The following ESRRB variants were observed in gnomAD, a reference collection of about 807,000 sequenced individuals.
ESRRB encodes estrogen related receptor beta, also known as steroid hormone receptor ERR2.
ESRRB carries 16 observed loss-of-function variants against 46.0 expected under a neutral mutation model. The ratio of observed to expected loss-of-function variants is 0.35; its 90% CI spans 0.24 to 0.53. The LOEUF (loss-of-function observed/expected upper bound fraction) is 0.53, where lower values mean the gene tolerates loss of function less well. ESRRB is among the 20% of genes least tolerant of loss of function. The pLI is 0.93. For missense variants in ESRRB, 488 were observed against 607.4 expected, an observed-to-expected ratio of 0.80 and a Z score of 2.07; for synonymous variants, 246 against 259.6, an observed-to-expected ratio of 0.95 and a Z score of 0.50.
chr14:76,490,936 G>A (rs115932738), intron 5 of ESRRB, among the ~76,000 whole-genome samples: 165 of 152,228 alleles, frequency 1.1e-3, no homozygotes, highest in African/African-American at 3.3e-3. Context: ...CTGCGTCCTC[G>A]TTCTTGGTCA....
chr14:76,442,960 G>A (rs1482566437), intron 2 of ESRRB, among the ~76,000 whole-genome samples: 2 of 151,308 alleles, frequency 1.3e-5, no homozygotes, highest in East Asian at 3.9e-4. Context: ...GATTACAGGT[G>A]CTGGCCACAA....
At chr14:76,417,521 C>A (rs373519980) in intron 1 of ESRRB, among the ~76,000 whole-genome samples, 27 of 152,152 alleles carry the variant, frequency 1.8e-4, no homozygotes, top group African/African-American at 6.5e-4. Flanking sequence ...TAATCAACAT[C>A]AATGTTGTTT....
chr14:76,477,760 T>C (rs56138620), intron 3 of ESRRB, among the ~76,000 whole-genome samples: 15,504 of 152,188 alleles, frequency 0.1, 933 homozygotes, highest in East Asian at 0.19. Flanking sequence ...AACAGCGTAA[T>C]CTGATAATTG....
upstream of ESRRB, among the ~76,000 whole-genome samples, chr14:76,369,770 A>G (rs945531008): frequency 2.0e-5 from 3 of 152,238 alleles, no homozygotes; most frequent in Admixed American, 6.5e-5. Context: ...TGTCATTCAT[A>G]CTAGGGAGAC....
At chr14:76,464,373 C>G (rs1364368704) in intron 3 of ESRRB, among the ~76,000 whole-genome samples, 1 of 152,208 alleles carries the variant, frequency 6.6e-6, no homozygotes, top group Non-Finnish European at 1.5e-5. Context: ...TTTGTCAATA[C>G]AACTTGGACC....
upstream of ESRRB, among the ~76,000 whole-genome samples, chr14:76,372,013 G>A (rs953020026): frequency 6.6e-6 from 1 of 152,178 alleles, no homozygotes; most frequent in African/African-American, 2.4e-5. Flanking sequence ...TACCAAGACT[G>A]GATTCCATTA....
At chr14:76,420,890 T>G (rs1886928021) in intron 1 of ESRRB, among the ~76,000 whole-genome samples, 1 of 152,134 alleles carries the variant, frequency 6.6e-6, no homozygotes, top group Non-Finnish European at 1.5e-5. Flanking sequence ...GACATGGCCC[T>G]GCTGATTCCT....
intron 1 of ESRRB, among the ~76,000 whole-genome samples, chr14:76,426,721 C>T (rs1408086667): frequency 2.0e-5 from 3 of 152,040 alleles, no homozygotes; most frequent in African/African-American, 7.3e-5. Flanking sequence ...GTCAAGCATG[C>T]AGTAGATATT....
chr14:76,373,518 C>A (rs1884672770), upstream of ESRRB, among the ~76,000 whole-genome samples: 2 of 152,108 alleles, frequency 1.3e-5, no homozygotes, highest in Admixed American at 1.3e-4. Flanking sequence ...TGGCTGAGGG[C>A]AGAATGGGAA....
At chr14:76,452,951 G>A (rs930387181) in intron 2 of ESRRB, among the ~76,000 whole-genome samples, 19 of 152,252 alleles carry the variant, frequency 1.2e-4, no homozygotes, top group Non-Finnish European at 2.9e-5. Context: ...TCTAAGGAGA[G>A]CCTCTAAGAC....
chr14:76,423,831 G>A (rs76568953), intron 1 of ESRRB, among the ~76,000 whole-genome samples: 28,541 of 151,832 alleles, frequency 0.19, 2,799 homozygotes, highest in Admixed American at 0.25. Flanking sequence ...AGGTGGGAGC[G>A]TGATTGGTGT....
chr14:76,424,796 G>A (rs1317341892), intron 1 of ESRRB, among the ~76,000 whole-genome samples: 1 of 152,130 alleles, frequency 6.6e-6, no homozygotes, highest in African/African-American at 2.4e-5. Context: ...GAGTGCAGTG[G>A]CACAATCTTG....
At chr14:76,432,331 T>A (rs965931517) in intron 1 of ESRRB, among the ~76,000 whole-genome samples, 10 of 152,198 alleles carry the variant, frequency 6.6e-5, no homozygotes, top group African/African-American at 2.2e-4. Flanking sequence ...GAAGCCTAGG[T>A]CTCAGCTGCT....
At chr14:76,331,059 G>A (rs1420652755) in intron 1 of ESRRB, among the ~76,000 whole-genome samples, 10 of 152,144 alleles carry the variant, frequency 6.6e-5, no homozygotes, top group Non-Finnish European at 1.5e-4. Context: ...ACTTGGGGGA[G>A]ATGGCCAAGA....
rs372543616 is a variant in ESRRB at position 76,482,806 on chromosome 14, G to A, written c.850+47G>A. The A allele has an allele frequency of 3.0e-4, 479 of 1,608,270 alleles. 3 individuals are homozygous for A. In the East Asian group the frequency reaches 7.2e-3, roughly 24 times the overall value. On this transcript the variant is annotated intron_variant, in intron 5 of 6. Transcript: ENST00000644823. The surrounding 1 kb of genome is among the most constrained non-coding windows in gnomAD (Gnocchi z 4.3). ...AGAGTGTGGCCAGGGACTCTCAGCC[G>A]GTATCTCCGCAGCCTACCCAATGGC...
At chr14:76,454,202 G>C (rs1888508416) in intron 2 of ESRRB, among the ~76,000 whole-genome samples, 1 of 152,164 alleles carries the variant, frequency 6.6e-6, no homozygotes, top group Admixed American at 6.6e-5. Flanking sequence ...TAGCTGAAAG[G>C]TCACTGTTGT....
intron 3 of ESRRB, among the ~76,000 whole-genome samples, chr14:76,467,954 T>G (rs1889191692): frequency 6.6e-6 from 1 of 152,142 alleles, no homozygotes; most frequent in Non-Finnish European, 1.5e-5. Context: ...TCCCCAAGTG[T>G]TTTCTAAAAG....
chr14:76,377,575 G>A (rs1361047120), intron 1 of ESRRB, among the ~76,000 whole-genome samples: 1 of 152,146 alleles, frequency 6.6e-6, no homozygotes, highest in East Asian at 1.9e-4. Flanking sequence ...CTTTGTGCTC[G>A]TCTTCCTCTT....
intron 1 of ESRRB, among the ~76,000 whole-genome samples, chr14:76,339,768 C>G (rs1223090965): frequency 6.6e-6 from 1 of 152,170 alleles, no homozygotes; most frequent in African/African-American, 2.4e-5. Context: ...CTCCCAGCTG[C>G]CTGGCTGCCT....
Sources: gnomAD v4.1 joint callset for allele counts (sites outside exome capture counted in the v4.1 genomes callset) on GRCh38, gnomAD v4.1.1 for gene constraint, Gnocchi (gnomAD v3.1) non-coding constraint, MANE v1.5 for transcripts, NCBI Gene and HGNC (gene_info 2026-07-23, HGNC 2026-07-21) for gene names.